Variants in MEF2A observed in about 807,000 individuals in gnomAD.
MEF2A encodes the protein myocyte enhancer factor 2A, also known as myocyte-specific enhancer factor 2A.
A neutral mutation model predicts 55.8 loss-of-function variants in MEF2A; 28 were observed. The ratio of observed to expected loss-of-function variants is 0.50; its 90% confidence interval spans 0.37 to 0.69. MEF2A has a LOEUF of 0.69. Among genes scored for constraint, MEF2A ranks in the 30% least tolerant of loss-of-function variants. The probability of loss-of-function intolerance (pLI) is 0.00; values close to 1 mark genes in which losing one functional copy is unlikely to be tolerated. For synonymous variants in MEF2A, 239 were observed against 227.1 expected (o/e 1.05, Z -0.47); for missense variants, 528 against 626.2 (o/e 0.84, Z 1.67).
chr15:99,667,964 C>T (rs1428632269), intron 4 of MEF2A, among the ~76,000 whole-genome samples: 2 of 151,846 alleles, frequency 1.3e-5, no homozygotes, highest in Non-Finnish European at 2.9e-5. Context: ...ACATAACTAG[C>T]GTTGAAAGGT....
intron 2 of MEF2A, among the ~76,000 whole-genome samples, chr15:99,601,633 CATTG>C (rs1223834172): frequency 2.0e-5 from 3 of 150,036 alleles, no homozygotes; most frequent in Non-Finnish European, 4.4e-5. Context: ...TGGTCAGTTA[CATTG>C]ATTGATTTTA....
intron 10 of MEF2A, among the ~76,000 whole-genome samples, chr15:99,707,664 C>T (rs1047336344): frequency 6.6e-6 from 1 of 152,104 alleles, no homozygotes; most frequent in African/African-American, 2.4e-5. Context: ...AGCCAAACAC[C>T]TGATGCTTCA....
rs1367313153 is a variant in MEF2A, at chr15:99,576,169, C to CT, written c.-225+10069dup. On this transcript the variant is annotated intron_variant, in intron 1 of 11. Transcript: ENST00000557942. ...TATTGGAGTTTCATTGTTTTAGAGC[C>CT]TTTTGGCTTATTAACCTGAGAAATT... Among the ~76,000 whole-genome samples the CT allele has an allele frequency of 8.5e-5, 13 of 152,268 alleles. 1 individual carries two copies. The highest frequency in any genetic ancestry group is 3.1e-4 in the African/African-American group (13 of 41,558).
chr15:99,637,283 T>C (rs1309268700), intron 3 of MEF2A, among the ~76,000 whole-genome samples: 2 of 152,240 alleles, frequency 1.3e-5, no homozygotes, highest in African/African-American at 4.8e-5. Context: ...TTGAAATCTT[T>C]ACAGTGTCAA....
At chr15:99,624,703 A>G (rs1483535602) in intron 2 of MEF2A, among the ~76,000 whole-genome samples, 1 of 152,226 alleles carries the variant, frequency 6.6e-6, no homozygotes, top group East Asian at 1.9e-4. Flanking sequence ...CTATTTCTGC[A>G]AAAATACCAT....
intron 2 of MEF2A, among the ~76,000 whole-genome samples, chr15:99,604,707 T>C (rs190473500): frequency 2.6e-5 from 4 of 151,968 alleles, no homozygotes; most frequent in Admixed American, 2.6e-4. Flanking sequence ...CTTAGGGGTT[T>C]TGTTTTTTTT....
chr15:99,658,227 A>G (rs947467805), intron 4 of MEF2A, among the ~76,000 whole-genome samples: 1 of 152,214 alleles, frequency 6.6e-6, no homozygotes. Flanking sequence ...AGGAAGTTAT[A>G]TAGGAATTGA....
chr15:99,673,851 A>G (rs992124372), intron 5 of MEF2A, among the ~76,000 whole-genome samples: 1 of 114,530 alleles, frequency 8.7e-6, no homozygotes, highest in Non-Finnish European at 2.0e-5. Flanking sequence ...TGTTATGTAT[A>G]TAATTACTTT....
At chr15:99,676,930 G>A (rs1305024166) in intron 7 of MEF2A, among the ~76,000 whole-genome samples, 1 of 151,968 alleles carries the variant, frequency 6.6e-6, no homozygotes, top group Non-Finnish European at 1.5e-5. Context: ...AAATAAGCCT[G>A]GCCCACATGG....
intron 3 of MEF2A, among the ~76,000 whole-genome samples, chr15:99,644,424 C>T (rs1013932161): frequency 6.6e-6 from 1 of 152,052 alleles, no homozygotes; most frequent in Non-Finnish European, 1.5e-5. Flanking sequence ...TTTACATGTA[C>T]GTATTGTATC....
At chr15:99,693,699 G>A (rs2055935312) in intron 8 of MEF2A, among the ~76,000 whole-genome samples, 1 of 152,024 alleles carries the variant, frequency 6.6e-6, no homozygotes, top group South Asian at 2.1e-4. Flanking sequence ...AAAAGTCATG[G>A]GAATTTATTG....
At chr15:99,696,308 A>C (rs1323827491) in intron 8 of MEF2A, among the ~76,000 whole-genome samples, 5 of 152,190 alleles carry the variant, frequency 3.3e-5, no homozygotes, top group African/African-American at 1.2e-4. Context: ...CAGAACACAC[A>C]CTTTTCACAA....
intron 2 of MEF2A, among the ~76,000 whole-genome samples, chr15:99,623,258 A>G (rs2041530477): frequency 6.6e-6 from 1 of 152,200 alleles, no homozygotes; most frequent in South Asian, 2.1e-4. Context: ...TTAATGCTGA[A>G]TAATATTCTA....
intron 2 of MEF2A, among the ~76,000 whole-genome samples, chr15:99,618,979 G>A (rs2040677846): frequency 6.6e-6 from 1 of 152,228 alleles, no homozygotes. Context: ...GATCTAGGAA[G>A]ATCTACATTC....
Position 99,690,280 on chromosome 15 carries a change from T to G in MEF2A, c.710T>G (p.Ile237Ser), listed in dbSNP as rs1368740492. ...AACTCAAGAGCTTCTCCAAATTTGA[T>G]TGGAGCTACTGGTGCAAATAGCTTA... is the stretch of plus-strand genomic sequence containing the variant. ...FVNSRASPNL[I>S]GATGANSLGK... is the part of the protein sequence containing the mutation. Residue 237 changes from isoleucine to serine, a missense_variant, in exon 8 of 12, where the codon ATT becomes AGT. Physicochemically the swap from Ile to Ser is moderately radical, Grantham distance 142 (BLOSUM62 -2). Transcript: ENST00000557942. The G allele has an allele frequency of 6.2e-7, 1 of 1,613,686 alleles. No individual in the cohort carries two copies. Among genetic ancestry groups the G allele is most frequent in the South Asian group, 1.1e-5 (1 of 91,022 alleles).
At position 99,663,598 on chromosome 15, in the gene MEF2A, C is replaced by A. The variant is rs140085215; in HGVS notation, c.259-7725C>A. Among the ~76,000 whole-genome samples, 9 of 151,744 alleles carry A rather than the reference C, an allele frequency of 5.9e-5. No individual in the cohort carries two copies. The East Asian group carries it at 1.7e-3, about 29-fold the overall frequency. On this transcript the variant is annotated intron_variant, in intron 4 of 11. Transcript: ENST00000557942. ...TATTTTTTATATATGTATAACATTT[C>A]CATGGAAAATGTGGCTAAAATTTTA...
intron 2 of MEF2A, among the ~76,000 whole-genome samples, chr15:99,619,864 G>A (rs180811891): frequency 1.5e-3 from 231 of 152,288 alleles, no homozygotes; most frequent in African/African-American, 5.4e-3. Context: ...TTTGGGGCTG[G>A]GATGTAGGTT....
intron 10 of MEF2A, among the ~76,000 whole-genome samples, chr15:99,709,882 T>G (rs1218532260): frequency 6.6e-6 from 1 of 152,168 alleles, no homozygotes; most frequent in Admixed American, 6.5e-5. Flanking sequence ...TCTAGGTACT[T>G]TAAACAAATG....
rs1171785331 is a variant in MEF2A, at chr15:99,716,414, G to C, written c.*3643G>C. 6 of 428,014 alleles carry C rather than the reference G, an allele frequency of 1.4e-5. No individual in the cohort carries two copies. In the East Asian group the frequency reaches 4.4e-4, roughly 31 times the overall value. The allele number at this position is 428,014 out of a possible 1,614,324, so 26.5% of individuals were successfully genotyped here. ...AGTGAACTTTTTATCAAATGGTGAA[G>C]ACAATGCTAAAGGTTGTTGTAAACT... On this transcript the variant is annotated 3_prime_UTR_variant, in exon 12 of 12. Coordinates refer to ENST00000557942, the MANE Select transcript of MEF2A (RefSeq NM_001319206.4).
Sources: allele counts gnomAD v4.1 joint callset (sites outside exome capture counted in the v4.1 genomes callset), GRCh38; gene constraint gnomAD v4.1.1; transcripts MANE v1.5; gene names NCBI Gene and HGNC (gene_info 2026-07-23, HGNC 2026-07-21).